The following EQTN variants were observed in gnomAD, a reference collection of about 807,000 sequenced individuals.
EQTN encodes equatorin.
A neutral mutation model predicts 26.9 loss-of-function variants in EQTN; 29 were observed. The ratio of observed to expected loss-of-function variants is 1.08; its 90% CI spans 0.80 to 1.47. The LOEUF (loss-of-function observed/expected upper bound fraction) is 1.47. Among genes scored for constraint, EQTN ranks in the 40% most tolerant of loss-of-function variants. The probability of loss-of-function intolerance (pLI) is 0.00; values close to 1 mark genes in which losing one functional copy is unlikely to be tolerated. For synonymous variants in EQTN, 129 were observed against 120.0 expected (o/e 1.07, Z -0.49); for missense variants, 391 against 346.1 (o/e 1.13, Z -1.03).
chr9:27,285,769 G>T lies in EQTN; in HGVS notation c.635+440C>A, dbSNP rs1209362952. ...AATGTTAAATAATTCCTTCAATCAGGCTTGAGTTGAATTTAATATTTTTAT... is the reference window on the plus strand; with the variant it reads ...AATGTTAAATAATTCCTTCAATCAGTCTTGAGTTGAATTTAATATTTTTAT... On this transcript the variant is annotated intron_variant, in intron 7 of 7. Coordinates refer to ENST00000380032, the MANE Select transcript of EQTN (RefSeq NM_020641.3). Among the ~76,000 whole-genome samples the T allele has an allele frequency of 2.0e-5, 3 of 152,220 alleles. No homozygotes were observed. The East Asian group carries it at 5.8e-4, about 29-fold the overall frequency.
intron 3 of EQTN, 150 bp from the exon 4 acceptor site, chr9:27,292,637 A>G: frequency 1.9e-6 from 1 of 525,306 alleles, no homozygotes; most frequent in Non-Finnish European, 3.3e-6. Flanking sequence ...CATTTTCCAG[A>G]AATAAAGGAG....
rs765816267 is a variant in EQTN at position 27,294,351 on chromosome 9, C to T, written c.254G>A (p.Arg85Lys). The T allele has an allele frequency of 1.2e-6, 2 of 1,611,340 alleles. No individual in the cohort carries two copies. Among genetic ancestry groups the T allele is most frequent in the Admixed American group, 3.3e-5 (2 of 59,974 alleles). Residue 85 changes from arginine (R) to lysine (K), a missense_variant, in exon 3 of 8, where the codon AGA (arginine) becomes AAA (lysine). By Grantham distance (26) the Arg-to-Lys change is conservative (BLOSUM62 2). Transcript: ENST00000380032. ...AGCAAAATTCAGGTCAGTTGTGGCT[C>T]TCACAGATATTTCAGACTCAGTGCC... The part of the protein sequence containing the change: ...PNGTESEISV[R>K]ATTDLNFALK...
At chr9:27,290,213 A>G (rs1820204144) in intron 5 of EQTN, among the ~76,000 whole-genome samples, 1 of 152,206 alleles carries the variant, frequency 6.6e-6, no homozygotes, top group South Asian at 2.1e-4. Flanking sequence ...TCAACAAAAA[A>G]GCACAAAAAA....
At chr9:27,296,550 A>T in intron 2 of EQTN, 63 bp downstream of exon 2, 1 of 1,165,694 alleles carries the variant, frequency 8.6e-7, no homozygotes, top group Non-Finnish European at 1.2e-6. Flanking sequence ...TAAAAAGGAC[A>T]CTTAAGTGAA....
chr9:27,290,986 T>G (rs2383724), intron 5 of EQTN, 33 bp downstream of exon 5: 2 of 1,597,596 alleles, frequency 1.3e-6, no homozygotes, highest in Non-Finnish European at 1.7e-6. Context: ...AAAACCAAAA[T>G]GTTTCCCAAG....
At chr9:27,289,757 T>C (rs768444112) in intron 5 of EQTN, 26 bp from the exon 6 acceptor site, 3 of 1,583,358 alleles carry the variant, frequency 1.9e-6, no homozygotes, top group Non-Finnish European at 2.6e-6. Flanking sequence ...GGGGTTATGG[T>C]AAACAACGTT....
chr9:27,295,577 T>TA (rs912347894), intron 2 of EQTN, among the ~76,000 whole-genome samples: 3 of 150,006 alleles, frequency 2.0e-5, no homozygotes, highest in Non-Finnish European at 3.0e-5. Context: ...CTCACGCCTG[T>TA]AATCCCAGCA....
chr9:27,294,196 G>T (rs752828011), intron 3 of EQTN, 120 bp downstream of exon 3: 1 of 591,894 alleles, frequency 1.7e-6, no homozygotes, highest in Non-Finnish European at 2.9e-6. Context: ...TACTTTAGAG[G>T]GAAAATGTTA....
At chr9:27,295,755 C>T (rs868532664) in intron 2 of EQTN, among the ~76,000 whole-genome samples, 13 of 142,672 alleles carry the variant, frequency 9.1e-5, no homozygotes, top group African/African-American at 2.5e-4. Context: ...TGGTGTGAAC[C>T]CGGGAGGCGG....
intron 6 of EQTN, among the ~76,000 whole-genome samples, chr9:27,288,657 C>A (rs1320193399): frequency 6.6e-6 from 1 of 152,070 alleles, no homozygotes; most frequent in Non-Finnish European, 1.5e-5. Context: ...TGCATTCATA[C>A]AATGGAATAT....
chr9:27,284,929 C>T lies in EQTN; in HGVS notation c.679G>A (p.Ala227Thr). Residue 227 changes from alanine (A) to threonine (T), a missense_variant, in exon 8 of 8, where the codon GCC becomes ACC. Transcript: ENST00000380032. ...GATGGATGAAAGTAAGACATCGTGGCCAGCTCTGGGTTGACAGAGTACTGA... is the reference window on the plus strand; with the variant it reads ...GATGGATGAAAGTAAGACATCGTGGTCAGCTCTGGGTTGACAGAGTACTGA... ...ESQYSVNPEL[A>T]TMSYFHPSEG... 1.9e-6 allele frequency: 3 copies of T among 1,614,012 alleles called. No homozygotes were observed. The highest frequency in any genetic ancestry group is 2.5e-6 in the Non-Finnish European group (3 of 1,179,982).
At chr9:27,295,651 G>A (rs540311853) in intron 2 of EQTN, among the ~76,000 whole-genome samples, 1 of 151,968 alleles carries the variant, frequency 6.6e-6, no homozygotes, top group African/African-American at 2.4e-5. Context: ...GGCTAACACT[G>A]TGAAACCCGT....
intron 6 of EQTN, among the ~76,000 whole-genome samples, chr9:27,289,237 T>C (rs371148503): frequency 6.6e-5 from 10 of 152,312 alleles, no homozygotes; most frequent in African/African-American, 2.4e-4. Flanking sequence ...GAATAAATGT[T>C]ACAAAACAGG....
intron 1 of EQTN, 21 bp downstream of exon 1, chr9:27,296,959 A>G (rs1192281882): frequency 6.2e-7 from 1 of 1,606,972 alleles, no homozygotes; most frequent in East Asian, 2.2e-5. Context: ...ATTTTTATAA[A>G]AGTTTTAAAT....
At chr9:27,289,350 C>A (rs1418182941) in intron 6 of EQTN, among the ~76,000 whole-genome samples, 1 of 152,152 alleles carries the variant, frequency 6.6e-6, no homozygotes, top group Non-Finnish European at 1.5e-5. Flanking sequence ...AGTCACCTTT[C>A]ATACGCCAGA....
chr9:27,288,156 A>G (rs950221652), intron 6 of EQTN, among the ~76,000 whole-genome samples: 5 of 152,190 alleles, frequency 3.3e-5, no homozygotes, highest in African/African-American at 1.2e-4. Context: ...CCAGTGCACA[A>G]ATGAGGGGAC....
In EQTN at chr9:27,292,609, G is replaced by A. The variant is rs1820260338; in HGVS notation, c.290-122C>T. On this transcript the variant is annotated intron_variant, in intron 3 of 7. Coordinates refer to ENST00000380032, the MANE Select transcript of EQTN (RefSeq NM_020641.3). ...ACAAAGAAAAGGAGAGAGAAGAAAC[G>A]GAAGAGAAAGACATTAACATTTTCC... is the stretch of plus-strand genomic sequence containing the variant. The A allele has an allele frequency of 1.3e-5, 7 of 551,840 alleles. No homozygotes were observed. In the South Asian group the frequency reaches 1.6e-4, roughly 12 times the overall value. 34.2% of individuals were successfully genotyped at this position (551,840 alleles called of 1,614,324 possible). A position where few individuals can be genotyped will look rare whatever the true frequency, so the allele number is the denominator to read the frequency against.
chr9:27,292,601 G>A, intron 3 of EQTN, 114 bp from the exon 4 acceptor site: 1 of 556,284 alleles, frequency 1.8e-6, no homozygotes, highest in South Asian at 3.1e-5. Flanking sequence ...AAAGGAGAGA[G>A]AAGAAACGGA....
chr9:27,296,708 T>C lies in EQTN; in HGVS notation c.107A>G (p.Asp36Gly), dbSNP rs1399967149. The change falls in exon 2 of 8, where the codon GAT becomes GGT. Residue 36 changes from aspartate to glycine, a missense_variant. By Grantham distance (94) the Asp-to-Gly change is moderately conservative (BLOSUM62 -1). Coordinates refer to ENST00000380032, the MANE Select transcript of EQTN (RefSeq NM_020641.3). ...ATTCTTTTCTTCCTGCTTATTAACA[T>C]CTTCATTTAAAGGTAGCACATTAGG... ...ALPNVLPLNEDVNKQEEKNED... is the reference protein window; with the variant it reads ...ALPNVLPLNEGVNKQEEKNED... 2 of 1,609,906 alleles carry C rather than the reference T, an allele frequency of 1.2e-6. No individual in the cohort carries two copies. The highest frequency in any genetic ancestry group is 1.7e-6 in the Non-Finnish European group (2 of 1,178,502).
Sources: gnomAD v4.1 joint callset for allele counts (sites outside exome capture counted in the v4.1 genomes callset) on GRCh38, gnomAD v4.1.1 for gene constraint, MANE v1.5 for transcripts, NCBI Gene and HGNC (gene_info 2026-07-23, HGNC 2026-07-21) for gene names.